PDGFC: variants seen among roughly 807,000 people sequenced by gnomAD.
PDGFC encodes the protein platelet derived growth factor C, also known as platelet-derived growth factor C.
PDGFC carries 12 observed loss-of-function variants against 35.5 expected under a neutral mutation model. The ratio of observed to expected loss-of-function variants is 0.34; its 90% CI spans 0.22 to 0.55. PDGFC has a LOEUF of 0.55. PDGFC is among the 20% of genes least tolerant of loss of function. PDGFC has a pLI of 0.91. For missense variants in PDGFC, 322 were observed against 412.4 expected, an observed-to-expected ratio of 0.78 and a Z score of 1.90; for synonymous variants, 159 against 148.8, an observed-to-expected ratio of 1.07 and a Z score of -0.50.
At chr4:156,829,079 T>G (rs1351472566) in intron 2 of PDGFC, among the ~76,000 whole-genome samples, 2 of 152,192 alleles carry the variant, frequency 1.3e-5, no homozygotes, top group African/African-American at 4.8e-5. Context: ...ATGAGAAATT[T>G]AGAATTTGAG....
intron 1 of PDGFC, among the ~76,000 whole-genome samples, chr4:156,864,388 TA>T (rs1729785740): frequency 6.6e-6 from 1 of 152,150 alleles, no homozygotes; most frequent in South Asian, 2.1e-4. Context: ...ATCCCTGAAA[TA>T]AAACTAGCAA....
intron 1 of PDGFC, among the ~76,000 whole-genome samples, chr4:156,904,885 T>C (rs916100353): frequency 6.6e-6 from 1 of 152,126 alleles, no homozygotes; most frequent in African/African-American, 2.4e-5. Context: ...AGAATTGATA[T>C]GTTGTTTGCT....
intron 1 of PDGFC, among the ~76,000 whole-genome samples, chr4:156,910,326 T>C (rs1358744682): frequency 6.6e-6 from 1 of 152,158 alleles, no homozygotes; most frequent in African/African-American, 2.4e-5. Context: ...TGTAGTACAA[T>C]GTCATTACAT....
chr4:156,885,184 C>A (rs1048472946), intron 1 of PDGFC, among the ~76,000 whole-genome samples: 1 of 151,766 alleles, frequency 6.6e-6, no homozygotes, highest in African/African-American at 2.4e-5. Flanking sequence ...CACACACACA[C>A]TTTACCTAAG....
intron 1 of PDGFC, among the ~76,000 whole-genome samples, chr4:156,901,595 C>CATT (rs111503240): frequency 0.047 from 7,080 of 150,416 alleles, 406 homozygotes; most frequent in African/African-American, 0.14. Context: ...GTATCTATTT[C>CATT]ATTATTATTA....
chr4:156,800,629 C>T (rs186174587), intron 3 of PDGFC, among the ~76,000 whole-genome samples: 1 of 152,148 alleles, frequency 6.6e-6, no homozygotes, highest in Admixed American at 6.6e-5. Context: ...CATTTGGTGA[C>T]ACTTGCCACG....
intron 1 of PDGFC, among the ~76,000 whole-genome samples, chr4:156,920,977 T>C (rs545717188): frequency 6.6e-6 from 1 of 152,124 alleles, no homozygotes; most frequent in Non-Finnish European, 1.5e-5. Flanking sequence ...GAAGTGGAGA[T>C]GAAAAATGGA....
At chr4:156,824,046 A>G (rs2042637) in intron 2 of PDGFC, among the ~76,000 whole-genome samples, 70,549 of 151,478 alleles carry the variant, frequency 0.47, 19,438 homozygotes, top group African/African-American at 0.77. Context: ...TAGAAACAGA[A>G]ATTAGAAAGG....
intron 1 of PDGFC, among the ~76,000 whole-genome samples, chr4:156,935,803 C>A (rs1250014723): frequency 6.6e-6 from 1 of 151,968 alleles, no homozygotes; most frequent in South Asian, 2.1e-4. Flanking sequence ...GCTTTACAGA[C>A]CATCAATACC....
Position 156,971,035 on chromosome 4 carries a change from C to T in PDGFC, c.-132G>A. On this transcript the variant is annotated 5_prime_UTR_variant, in exon 1 of 6. Transcript: ENST00000502773. ...CGAGCCTGCTCTGGCAGCAGAGAATCGCAGGGTAGTTTCCACATAATCCCA... is the reference window on the plus strand; with the variant it reads ...CGAGCCTGCTCTGGCAGCAGAGAATTGCAGGGTAGTTTCCACATAATCCCA... The T allele has an allele frequency of 1.6e-6, 1 of 629,352 alleles. No homozygotes were observed. 39.0% of individuals were successfully genotyped at this position (629,352 alleles called of 1,614,324 possible).
intron 1 of PDGFC, among the ~76,000 whole-genome samples, chr4:156,857,763 C>T (rs1275344553): frequency 6.6e-6 from 1 of 151,984 alleles, no homozygotes; most frequent in African/African-American, 2.4e-5. Flanking sequence ...AATACAATGG[C>T]TTTTTCCGAA....
At chr4:156,844,018 C>T (rs564217637) in intron 2 of PDGFC, among the ~76,000 whole-genome samples, 1 of 152,094 alleles carries the variant, frequency 6.6e-6, no homozygotes, top group Non-Finnish European at 1.5e-5. Context: ...TGATTCTTGC[C>T]CAGTCCTAAT....
At chr4:156,821,445 T>C (rs1315489205) in intron 2 of PDGFC, among the ~76,000 whole-genome samples, 1 of 152,090 alleles carries the variant, frequency 6.6e-6, no homozygotes, top group African/African-American at 2.4e-5. Flanking sequence ...CTCACTATAT[T>C]GCCCAGGCTG....
intron 3 of PDGFC, among the ~76,000 whole-genome samples, chr4:156,774,177 A>G (rs1730760426): frequency 6.6e-6 from 1 of 152,108 alleles, no homozygotes; most frequent in African/African-American, 2.4e-5. Flanking sequence ...AGCCCTCAAA[A>G]ACTGACCTCT....
intron 1 of PDGFC, among the ~76,000 whole-genome samples, chr4:156,887,996 C>G (rs1730415484): frequency 6.9e-6 from 1 of 145,886 alleles, no homozygotes; most frequent in African/African-American, 2.5e-5. Context: ...GAGTGAAACC[C>G]CGTCTTAAAA....
chr4:156,772,528 A>C lies in PDGFC; in HGVS notation c.703+158T>G, dbSNP rs1371102041. ...CTAAGTTCCTCCTTTTGTATATATT[A>C]TTATTCAATATATAAATATGCTCAA... On this transcript the variant is annotated intron_variant, in intron 4 of 5. Transcript: ENST00000502773. 2.0e-5 allele frequency among the ~76,000 whole-genome samples: 3 copies of C among 152,194 alleles called. 1 individual carries two copies. The highest frequency in any genetic ancestry group is 2.0e-4 in the Admixed American group (3 of 15,262).
At chr4:156,825,593 T>TACTAATAATAATAATAATAATAAG in intron 2 of PDGFC, among the ~76,000 whole-genome samples, 1 of 62,190 alleles carries the variant, frequency 1.6e-5, no homozygotes, top group African/African-American at 7.9e-5. Context: ...ATAATAATAA[T>TACTAATAATAATAATAATAATAAG]AAGAAGAAGA....
At chr4:156,957,318 T>C (rs1476662964) in intron 1 of PDGFC, among the ~76,000 whole-genome samples, 2 of 152,016 alleles carry the variant, frequency 1.3e-5, no homozygotes. Context: ...AAAAACGTGA[T>C]GTCTCACTTC....
At chr4:156,772,012 T>G (rs1384165298) in intron 4 of PDGFC, among the ~76,000 whole-genome samples, 1 of 152,114 alleles carries the variant, frequency 6.6e-6, no homozygotes, top group Non-Finnish European at 1.5e-5. Flanking sequence ...CAGAATTAGG[T>G]TTAATTAACA....
Sources: gnomAD v4.1 joint callset for allele counts (sites outside exome capture counted in the v4.1 genomes callset) on GRCh38, gnomAD v4.1.1 for gene constraint, MANE v1.5 for transcripts, NCBI Gene and HGNC (gene_info 2026-07-23, HGNC 2026-07-21) for gene names.